Variants in RCL1 observed in about 807,000 individuals in gnomAD.
The protein encoded by RCL1 is RNA 3'-terminal phosphate cyclase-like protein.
Under a neutral mutation model 42.4 loss-of-function variants are expected in RCL1, and 24 were observed. That is an observed-to-expected ratio of 0.57 (90% CI 0.41 to 0.80). The LOEUF (loss-of-function observed/expected upper bound fraction) is 0.80, where lower values mean the gene tolerates loss of function less well. Ranked by LOEUF, RCL1 falls within the 30% of genes least tolerant of loss-of-function variation. The probability of loss-of-function intolerance (pLI) is 0.00; values close to 1 mark genes in which losing one functional copy is unlikely to be tolerated. For missense variants in RCL1, 578 were observed against 467.9 expected (o/e 1.24, Z -2.17); for synonymous variants, 228 against 177.3 (o/e 1.29, Z -2.27).
chr9:4,850,343 G>C (rs1159278316), intron 8 of RCL1: 1 of 534,148 alleles, frequency 1.9e-6, no homozygotes, highest in Admixed American at 1.9e-5. Context: ...ATATCTGAAA[G>C]GTACAGTACT....
intron 8 of RCL1, among the ~76,000 whole-genome samples, chr9:4,857,931 C>CTTTTTTTTTTTTT (rs34470773): frequency 9.7e-5 from 10 of 103,036 alleles, no homozygotes; most frequent in East Asian, 6.6e-4. Flanking sequence ...AGCTCTCCCA[C>CTTTTTTTTTTTTT]TTTTTTTTTT....
In RCL1 at chr9:4,831,667, A is replaced by G. The variant is rs1816947900; in HGVS notation, c.385-1487A>G. 2.0e-5 allele frequency among the ~76,000 whole-genome samples: 3 copies of G among 152,094 alleles called. No individual in the cohort carries two copies. In the South Asian group the frequency reaches 6.2e-4, roughly 32 times the overall value. On this transcript the variant is annotated intron_variant, in intron 3 of 8. Coordinates refer to ENST00000381750, the MANE Select transcript of RCL1 (RefSeq NM_005772.5). ...TTTTTTTTAGTAGAGATGAGGTCTCACTATGTTGCTCGGGCTGTAGCTTTA... is the reference window on the plus strand; with the variant it reads ...TTTTTTTTAGTAGAGATGAGGTCTCGCTATGTTGCTCGGGCTGTAGCTTTA...
chr9:4,843,672 C>G (rs7868737), intron 6 of RCL1, among the ~76,000 whole-genome samples: 32,255 of 152,130 alleles, frequency 0.21, 3,779 homozygotes, highest in East Asian at 0.54. Flanking sequence ...CCTTAGAAAA[C>G]TCACACAGAT....
At chr9:4,833,086 GT>G in intron 3 of RCL1, 67 bp from the exon 4 acceptor site, 117 of 1,103,452 alleles carry the variant, frequency 1.1e-4, no homozygotes, top group Non-Finnish European at 1.4e-4. Context: ...AGCCTTACTT[GT>G]TTTTTTTGAC....
chr9:4,834,781 C>T (rs1301975922), intron 5 of RCL1, among the ~76,000 whole-genome samples: 1 of 152,124 alleles, frequency 6.6e-6, no homozygotes, highest in Non-Finnish European at 1.5e-5. Context: ...GCATCTACTT[C>T]AGTAGTCACT....
chr9:4,858,097 A>C (rs1287455448), intron 8 of RCL1, among the ~76,000 whole-genome samples: 6 of 151,980 alleles, frequency 3.9e-5, no homozygotes, highest in Non-Finnish European at 8.8e-5. Flanking sequence ...ACTGGTCTTG[A>C]ATTCCAGGCC....
intron 7 of RCL1, among the ~76,000 whole-genome samples, chr9:4,846,830 A>G (rs1383302624): frequency 6.6e-6 from 1 of 152,170 alleles, no homozygotes; most frequent in African/African-American, 2.4e-5. Flanking sequence ...GCCTCAGGGT[A>G]AAAGCACCTA....
intron 1 of RCL1, among the ~76,000 whole-genome samples, chr9:4,813,440 T>C (rs1017474601): frequency 5.3e-5 from 8 of 152,276 alleles, no homozygotes; most frequent in African/African-American, 1.9e-4. Flanking sequence ...TGAAAAAATG[T>C]TCATCATCAC....
intron 3 of RCL1, among the ~76,000 whole-genome samples, chr9:4,829,568 C>G (rs1816882714): frequency 6.6e-6 from 1 of 152,196 alleles, no homozygotes; most frequent in African/African-American, 2.4e-5. Context: ...GCCTCAGAGA[C>G]AGGTCATCAC....
chr9:4,839,999 G>A, intron 5 of RCL1: 1 of 649,284 alleles, frequency 1.5e-6, no homozygotes, highest in Non-Finnish European at 1.9e-6. Flanking sequence ...GGAGTTGATG[G>A]TGCAGAGCTG....
intron 1 of RCL1, among the ~76,000 whole-genome samples, chr9:4,793,640 C>G (rs1842868668): frequency 1.3e-5 from 2 of 152,120 alleles, no homozygotes; most frequent in African/African-American, 4.8e-5. Flanking sequence ...GAGAAAAGTA[C>G]CTTGGGTTGG....
At position 4,797,555 on chromosome 9, in the gene RCL1, G is replaced by C. The variant is rs537679377; in HGVS notation, c.136+4328G>C. On this transcript the variant is annotated intron_variant, in intron 1 of 8. Transcript: ENST00000381750. The stretch of plus-strand genomic sequence containing the variant: ...AGCTTGGCAGAGGGGAATGCTACTG[G>C]CCTCTAGTGGTTAGAATCCAAGGGT... 4.6e-5 allele frequency among the ~76,000 whole-genome samples: 7 copies of C among 152,270 alleles called. 1 individual carries two copies. In the South Asian group the frequency reaches 1.5e-3, roughly 32 times the overall value.
At chr9:4,819,683 T>C (rs1816520037) in intron 1 of RCL1, among the ~76,000 whole-genome samples, 1 of 152,194 alleles carries the variant, frequency 6.6e-6, no homozygotes, top group Non-Finnish European at 1.5e-5. Context: ...GGCACGCGCC[T>C]GTAGTCCCAG....
chr9:4,793,724 T>G (rs1419392211), intron 1 of RCL1, among the ~76,000 whole-genome samples: 1 of 152,214 alleles, frequency 6.6e-6, no homozygotes, highest in Non-Finnish European at 1.5e-5. Context: ...GTCGCCATGA[T>G]TTCTCGGCTG....
intron 8 of RCL1, among the ~76,000 whole-genome samples, chr9:4,853,811 T>A (rs1358635526): frequency 6.6e-6 from 1 of 152,152 alleles, no homozygotes; most frequent in Non-Finnish European, 1.5e-5. Context: ...TTTCTAACTT[T>A]AGTTAATGAC....
intron 6 of RCL1, among the ~76,000 whole-genome samples, chr9:4,844,245 C>A (rs771622049): frequency 7.2e-5 from 11 of 152,098 alleles, no homozygotes; most frequent in Non-Finnish European, 1.5e-4. Context: ...GGGAAGGCCG[C>A]CACACCTTTC....
intron 1 of RCL1, among the ~76,000 whole-genome samples, chr9:4,819,023 G>T (rs1024064988): frequency 1.3e-5 from 2 of 152,132 alleles, no homozygotes; most frequent in Non-Finnish European, 2.9e-5. Flanking sequence ...AATGAAAACA[G>T]TTTTGTTGGC....
intron 1 of RCL1, among the ~76,000 whole-genome samples, chr9:4,805,662 G>C (rs1229389620): frequency 6.6e-6 from 1 of 152,166 alleles, no homozygotes; most frequent in Non-Finnish European, 1.5e-5. Context: ...TAGCTGGTCA[G>C]GTGACTGGCA....
rs1028485579 is a variant in RCL1 at position 4,850,501 on chromosome 9, T to TTTC, written c.971+953_971+954insCTT. Reference sequence around the variant, plus strand: ...TGGAGGCTTTTTTTTTTCTTTTTTTTTTTTTTTTTGGAATTCGTGGTGGGA... The same window carrying TTTC: ...TGGAGGCTTTTTTTTTTCTTTTTTTTTTCTTTTTTTTTGGAATTCGTGGTGGGA... On this transcript the variant is annotated intron_variant, in intron 8 of 8. Coordinates refer to ENST00000381750, the MANE Select transcript of RCL1 (RefSeq NM_005772.5). The TTTC allele has an allele frequency of 4.3e-5, 10 of 232,192 alleles. 1 individual carries two copies. Among genetic ancestry groups the TTTC allele is most frequent in the African/African-American group, 2.3e-4 (10 of 44,198 alleles). The allele number at this position is 232,192 out of a possible 1,614,324, so 14.4% of individuals were successfully genotyped here.
Sources: allele counts gnomAD v4.1 joint callset (sites outside exome capture counted in the v4.1 genomes callset), GRCh38; gene constraint gnomAD v4.1.1; transcripts MANE v1.5; gene names NCBI Gene and HGNC (gene_info 2026-07-23, HGNC 2026-07-21).